Variants in MRPS28 observed in about 807,000 individuals in gnomAD.
MRPS28 encodes mitochondrial ribosomal protein S28, also known as small ribosomal subunit protein bS1m.
Under a neutral mutation model 10.8 loss-of-function variants are expected in MRPS28, and 7 were observed. The ratio of observed to expected loss-of-function variants is 0.65; its 90% confidence interval spans 0.37 to 1.22. MRPS28 has a LOEUF of 1.22. MRPS28 is among the 50% of genes most tolerant of loss of function. The pLI, the probability that MRPS28 is intolerant of heterozygous loss-of-function variation, is 0.02. For missense variants in MRPS28, 265 were observed against 232.9 expected (o/e 1.14, Z -0.90); for synonymous variants, 121 against 93.3 (o/e 1.30, Z -1.71).
intron 2 of MRPS28, among the ~76,000 whole-genome samples, chr8:79,976,085 CTT>C (rs113464533): frequency 9.7e-5 from 14 of 143,880 alleles, no homozygotes; most frequent in African/African-American, 2.0e-4. Flanking sequence ...TGTTAAGAAT[CTT>C]TTTTTTTTTT....
intron 1 of MRPS28, among the ~76,000 whole-genome samples, chr8:80,005,648 T>A (rs2130173968): frequency 6.6e-6 from 1 of 152,268 alleles, no homozygotes; most frequent in South Asian, 2.1e-4. Context: ...TAACCTTAAA[T>A]GTAAATGGGC....
chr8:80,004,468 C>A (rs1282938397), intron 1 of MRPS28, among the ~76,000 whole-genome samples: 1 of 152,170 alleles, frequency 6.6e-6, no homozygotes, highest in Non-Finnish European at 1.5e-5. Context: ...AGGACATCCA[C>A]ACCAAAACCC....
chr8:79,950,941 A>G (rs1807062648), intron 2 of MRPS28, among the ~76,000 whole-genome samples: 1 of 152,038 alleles, frequency 6.6e-6, no homozygotes, highest in African/African-American at 2.4e-5. Flanking sequence ...TCCCAACCTA[A>G]TATCTACCAC....
chr8:79,996,596 A>C (rs1808507274), intron 2 of MRPS28, among the ~76,000 whole-genome samples: 2 of 152,240 alleles, frequency 1.3e-5, no homozygotes, highest in African/African-American at 2.4e-5. Context: ...AGTACCTCCC[A>C]AAAGCCCAGC....
At chr8:80,000,588 GT>G (rs1362608735) in intron 2 of MRPS28, among the ~76,000 whole-genome samples, 2 of 152,152 alleles carry the variant, frequency 1.3e-5, no homozygotes, top group Non-Finnish European at 2.9e-5. Flanking sequence ...TATATATTTA[GT>G]TTTAAATAAA....
intron 2 of MRPS28, among the ~76,000 whole-genome samples, chr8:79,974,797 T>C (rs896427295): frequency 6.6e-6 from 1 of 152,048 alleles, no homozygotes; most frequent in African/African-American, 2.4e-5. Flanking sequence ...ACATCCTAAG[T>C]GTCACCTGGC....
chr8:80,022,290 C>T (rs1809387789), intron 1 of MRPS28, among the ~76,000 whole-genome samples: 1 of 151,930 alleles, frequency 6.6e-6, no homozygotes, highest in Admixed American at 6.6e-5. Context: ...CTTTTTACTG[C>T]TAAGTAGTAT....
At chr8:79,982,894 A>C (rs1307121962) in intron 2 of MRPS28, among the ~76,000 whole-genome samples, 1 of 150,576 alleles carries the variant, frequency 6.6e-6, no homozygotes, top group East Asian at 2.0e-4. Flanking sequence ...TCCCTGTCTG[A>C]CAGCTTTGAA....
At chr8:79,966,155 T>C (rs1807497380) in intron 2 of MRPS28, among the ~76,000 whole-genome samples, 1 of 151,978 alleles carries the variant, frequency 6.6e-6, no homozygotes, top group African/African-American at 2.4e-5. Context: ...GGAATGATTA[T>C]AGAAAGGCAG....
chr8:79,943,936 A>G (rs886538087), intron 2 of MRPS28, among the ~76,000 whole-genome samples: 3 of 152,222 alleles, frequency 2.0e-5, no homozygotes, highest in African/African-American at 7.2e-5. Context: ...GACACAATAT[A>G]GGGAATAGTT....
In MRPS28 at chr8:80,030,228, G is replaced by T. The variant is rs144261435; in HGVS notation, c.21C>A (p.Thr7=). ...AATGGCTCTCGGCAGCCACAGCACG[G>T]GTCCGACACAGCGCCGCCATGACTT... MAALCR[T]RAVAAESHFL... The change falls in exon 1 of 3, where the codon ACC becomes ACA. Residue 7 remains threonine (T), a synonymous_variant. Transcript: ENST00000276585. 11 of 1,614,106 alleles carry T rather than the reference G, an allele frequency of 6.8e-6. No individual in the cohort carries two copies. The highest frequency in any genetic ancestry group is 2.7e-5 in the African/African-American group (2 of 75,054).
At chr8:80,020,481 A>G (rs1809326052) in intron 1 of MRPS28, among the ~76,000 whole-genome samples, 1 of 152,212 alleles carries the variant, frequency 6.6e-6, no homozygotes, top group African/African-American at 2.4e-5. Flanking sequence ...TGAAAATGGT[A>G]AGTATGAAGA....
At chr8:79,955,917 A>G (rs1807195506) in intron 2 of MRPS28, among the ~76,000 whole-genome samples, 1 of 152,140 alleles carries the variant, frequency 6.6e-6, no homozygotes, top group South Asian at 2.1e-4. Flanking sequence ...GCTAACATTT[A>G]TTGAGTGCTA....
chr8:80,029,009 G>C (rs1198120904), intron 1 of MRPS28, among the ~76,000 whole-genome samples: 1 of 152,012 alleles, frequency 6.6e-6, no homozygotes, highest in Non-Finnish European at 1.5e-5. Flanking sequence ...GTAGAAAACA[G>C]AGGCAGAAAA....
At chr8:79,921,596 T>C (rs919322255) in intron 2 of MRPS28, among the ~76,000 whole-genome samples, 2 of 152,186 alleles carry the variant, frequency 1.3e-5, no homozygotes, top group African/African-American at 4.8e-5. Context: ...CTGTTATTGG[T>C]GTATAAGAAT....
chr8:79,976,066 T>C (rs540560727), intron 2 of MRPS28, among the ~76,000 whole-genome samples: 1 of 152,060 alleles, frequency 6.6e-6, no homozygotes, highest in Non-Finnish European at 1.5e-5. Context: ...ACTGGCAGAT[T>C]TCTGTTGTTG....
chr8:79,921,464 A>T (rs1194680707), intron 2 of MRPS28, among the ~76,000 whole-genome samples: 1 of 149,412 alleles, frequency 6.7e-6, no homozygotes, highest in African/African-American at 2.5e-5. Context: ...CTTTTATTTC[A>T]TTGAGCAGTG....
chr8:79,973,961 AGGC>A (rs1807711283), intron 2 of MRPS28, among the ~76,000 whole-genome samples: 1 of 152,134 alleles, frequency 6.6e-6, no homozygotes, highest in African/African-American at 2.4e-5. Context: ...TATGTTGCCC[AGGC>A]TGATCTCAAA....
chr8:79,950,957 C>A (rs146815576), intron 2 of MRPS28, among the ~76,000 whole-genome samples: 1 of 152,162 alleles, frequency 6.6e-6, no homozygotes, highest in Non-Finnish European at 1.5e-5. Flanking sequence ...ACCACTCCCC[C>A]CCACCTCCAT....
Sources: gnomAD v4.1 joint callset for allele counts (sites outside exome capture counted in the v4.1 genomes callset) on GRCh38, gnomAD v4.1.1 for gene constraint, MANE v1.5 for transcripts, NCBI Gene and HGNC (gene_info 2026-07-23, HGNC 2026-07-21) for gene names.